Variants in MITF observed in about 807,000 individuals in gnomAD.
The protein encoded by MITF is melanocyte inducing transcription factor.
Under a neutral mutation model 60.5 loss-of-function variants are expected in MITF, and 17 were observed. That is an observed-to-expected ratio of 0.28 (90% confidence interval 0.19 to 0.42). The LOEUF is 0.42. MITF is among the 10% of genes least tolerant of loss of function. MITF has a pLI of 1.00. For synonymous variants in MITF, 260 were observed against 248.5 expected (o/e 1.05, Z -0.43); for missense variants, 622 against 683.5 (o/e 0.91, Z 1.00).
chr3:69,956,349 G>A (rs990896845), intron 7 of MITF, 106 bp from the exon 8 acceptor site: 9 of 893,710 alleles, frequency 1.0e-5, no homozygotes, highest in East Asian at 7.5e-5. Flanking sequence ...TCAGGTTTCC[G>A]TTGTCATGAC....
At chr3:69,853,374 T>C (rs13071707) in intron 1 of MITF, among the ~76,000 whole-genome samples, 74,090 of 151,790 alleles carry the variant, frequency 0.49, 19,870 homozygotes, top group Non-Finnish European at 0.63. Context: ...CTTTAAAGAG[T>C]AGTTTATACT....
rs2066686374 is a variant in MITF at position 69,966,188 on chromosome 3, A to C, written c.*940A>C. The C allele has an allele frequency of 4.3e-6, 1 of 232,606 alleles. No homozygotes were observed. Among genetic ancestry groups the C allele is most frequent in the Non-Finnish European group, 8.5e-6 (1 of 117,464 alleles). The allele number at this position is 232,606 out of a possible 1,614,324, so 14.4% of individuals were successfully genotyped here. On this transcript the variant is annotated 3_prime_UTR_variant, in exon 10 of 10. Transcript: ENST00000352241. ...ATTTGATTTGTACAGATTCTTTATT[A>C]TCATTGTTCTTTTCAATATATTTGT...
Position 69,928,371 on chromosome 3 carries a change from C to T in MITF, c.355-9451C>T, listed in dbSNP as rs370739316. Among the ~76,000 whole-genome samples, 17 of 152,272 alleles carry T rather than the reference C, an allele frequency of 1.1e-4. No individual in the cohort carries two copies. The East Asian group carries it at 2.3e-3, about 21-fold the overall frequency. ...TCATGTAGCTTTCTGAACACACTTG[C>T]GCCACCATCATTCTATCAGATTTGG... On this transcript the variant is annotated intron_variant, in intron 2 of 9. Coordinates refer to ENST00000352241, the MANE Select transcript of MITF (RefSeq NM_001354604.2).
chr3:69,833,175 A>G (rs1213898049), intron 1 of MITF, among the ~76,000 whole-genome samples: 1 of 149,666 alleles, frequency 6.7e-6, no homozygotes, highest in Non-Finnish European at 1.5e-5. Flanking sequence ...TTATTTTTCT[A>G]TTTACATTAT....
intron 9 of MITF, among the ~76,000 whole-genome samples, chr3:69,961,534 G>T (rs1025605941): frequency 6.8e-6 from 1 of 147,738 alleles, no homozygotes; most frequent in African/African-American, 2.5e-5. Context: ...GTGAAACCCT[G>T]TCTTTACCAA....
At chr3:69,749,983 A>G (rs563287486) in intron 1 of MITF, among the ~76,000 whole-genome samples, 1 of 152,308 alleles carries the variant, frequency 6.6e-6, no homozygotes, top group East Asian at 1.9e-4. Context: ...TTCAGCAGTG[A>G]ATGAGAGAGT....
Position 69,926,476 on chromosome 3 carries a change from G to A in MITF, c.355-11346G>A, listed in dbSNP as rs745628868. Among the ~76,000 whole-genome samples the A allele has an allele frequency of 4.6e-5, 7 of 152,190 alleles. No homozygotes were observed. The East Asian group carries it at 9.7e-4, about 21-fold the overall frequency. On this transcript the variant is annotated intron_variant, in intron 2 of 9. Coordinates refer to ENST00000352241, the MANE Select transcript of MITF (RefSeq NM_001354604.2). The stretch of plus-strand genomic sequence containing the variant: ...CCACTGCCAGTTTCTTAAGAGTGTC[G>A]GTACTTATGAGAAGGAGTTGTTCTG...
chr3:69,967,248 G>T lies in MITF; in HGVS notation c.*2000G>T, dbSNP rs958671340. ...AGTTTTATAGCTTTATTTCTTAAGG[G>T]GGTAGGGAAAATTAGTTCCCATTCT... On this transcript the variant is annotated 3_prime_UTR_variant, in exon 10 of 10. Transcript: ENST00000352241. 22 of 232,210 alleles carry T rather than the reference G, an allele frequency of 9.5e-5. No homozygotes were observed. The highest frequency in any genetic ancestry group is 1.5e-4 in the Non-Finnish European group (18 of 117,268). 14.4% of individuals were successfully genotyped at this position (232,210 alleles called of 1,614,324 possible).
chr3:69,929,198 A>G (rs1338093936), intron 2 of MITF, among the ~76,000 whole-genome samples: 2 of 152,126 alleles, frequency 1.3e-5, no homozygotes, highest in Non-Finnish European at 2.9e-5. Flanking sequence ...CACGCCAGCC[A>G]CAGTGGTTCC....
intron 1 of MITF, among the ~76,000 whole-genome samples, chr3:69,820,920 TG>T (rs1216760282): frequency 6.6e-6 from 1 of 152,142 alleles, no homozygotes; most frequent in Non-Finnish European, 1.5e-5. Context: ...CTCGTGTGTG[TG>T]TGTGTGTGTA....
intron 1 of MITF, among the ~76,000 whole-genome samples, chr3:69,801,395 A>G (rs1415588716): frequency 2.6e-5 from 4 of 152,198 alleles, no homozygotes; most frequent in Admixed American, 2.6e-4. Flanking sequence ...GTAAACTGTG[A>G]CAATGTCAAA....
chr3:69,838,418 G>A (rs189422572), intron 1 of MITF, among the ~76,000 whole-genome samples: 82 of 152,120 alleles, frequency 5.4e-4, no homozygotes, highest in African/African-American at 1.9e-3. Flanking sequence ...TATTAGTGAC[G>A]GATTTGGCAT....
intron 5 of MITF, among the ~76,000 whole-genome samples, chr3:69,942,477 T>A (rs1026929204): frequency 8.5e-5 from 13 of 152,164 alleles, no homozygotes; most frequent in South Asian, 2.1e-4. Flanking sequence ...CTTTTTTTTT[T>A]AAATCCATCT....
chr3:69,827,635 A>G (rs555401774), intron 1 of MITF, among the ~76,000 whole-genome samples: 22 of 152,346 alleles, frequency 1.4e-4, no homozygotes, highest in African/African-American at 5.3e-4. Flanking sequence ...GACTTGGCAC[A>G]GAGTCCCTTG....
rs965931402 is a variant in MITF at position 69,967,317 on chromosome 3, G to A, written c.*2069G>A. On this transcript the variant is annotated 3_prime_UTR_variant, in exon 10 of 10. Coordinates refer to ENST00000352241, the MANE Select transcript of MITF (RefSeq NM_001354604.2). ...ATAGCTCTTTTCCTAGAATAGTGACGCAAATCTGCATGAACAGCTAATTGT... is the reference window on the plus strand; with the variant it reads ...ATAGCTCTTTTCCTAGAATAGTGACACAAATCTGCATGAACAGCTAATTGT... 21 of 232,236 alleles carry A rather than the reference G, an allele frequency of 9.0e-5. No individual in the cohort carries two copies. The highest frequency in any genetic ancestry group is 6.8e-4 in the Admixed American group (12 of 17,724). The allele number at this position is 232,236 out of a possible 1,614,324, so 14.4% of individuals were successfully genotyped here.
intron 2 of MITF, among the ~76,000 whole-genome samples, chr3:69,919,657 T>A (rs953993241): frequency 9.2e-5 from 14 of 152,204 alleles, no homozygotes; most frequent in African/African-American, 3.4e-4. Flanking sequence ...TGAGAGCATT[T>A]GGCACACTTC....
At chr3:69,889,462 T>G (rs1266501835) in intron 2 of MITF, among the ~76,000 whole-genome samples, 1 of 151,252 alleles carries the variant, frequency 6.6e-6, no homozygotes, top group Non-Finnish European at 1.5e-5. Flanking sequence ...AAATTCAAAG[T>G]TTCTAGTACT....
In MITF at chr3:69,936,654, A is replaced by T. The variant is rs1370168095; in HGVS notation, c.355-1168A>T. 1.9e-6 allele frequency: 3 copies of T among 1,605,972 alleles called. No homozygotes were observed. In the East Asian group the frequency reaches 6.7e-5, roughly 36 times the overall value. The stretch of plus-strand genomic sequence containing the variant: ...CTTTGCCAGTCCATCTTCAAATTGG[A>T]ATTATAGAAAGTAGAGGGAGGGATA... On this transcript the variant is annotated intron_variant, in intron 2 of 9. Transcript: ENST00000352241.
chr3:69,861,240 C>A (rs1010226926), intron 1 of MITF, among the ~76,000 whole-genome samples: 17 of 152,044 alleles, frequency 1.1e-4, no homozygotes, highest in African/African-American at 4.1e-4. Context: ...GACCTTTTTT[C>A]ATTTTTGTCA....
Sources: gnomAD v4.1 joint callset for allele counts (sites outside exome capture counted in the v4.1 genomes callset) on GRCh38, gnomAD v4.1.1 for gene constraint, MANE v1.5 for transcripts, NCBI Gene and HGNC (gene_info 2026-07-23, HGNC 2026-07-21) for gene names.